Variants in ZRANB3 observed in about 807,000 individuals in gnomAD.
The protein encoded by ZRANB3 is DNA annealing helicase and endonuclease ZRANB3.
In ZRANB3, 125 loss-of-function variants were observed where a neutral mutation model predicts 133.8. The observed-to-expected ratio is 0.93, with a 90% confidence interval of 0.81 to 1.08. ZRANB3 has a LOEUF of 1.08. Ranked by LOEUF, ZRANB3 falls within the 50% of genes least tolerant of loss-of-function variation. The probability of loss-of-function intolerance (pLI) is 0.00; values close to 1 mark genes in which losing one functional copy is unlikely to be tolerated. For missense variants in ZRANB3, 1,229 were observed against 1,275.5 expected (o/e 0.96, Z 0.56); for synonymous variants, 387 against 432.7 (o/e 0.89, Z 1.31).
chr2:135,408,537 G>T lies in ZRANB3; in HGVS notation c.162-17717C>A, dbSNP rs1386138681. Reference sequence around the variant, plus strand: ...AGACACATGCACACGTATGTTTATTGCGGCACTATTCACAATAGCAAAGAC... The same window carrying T: ...AGACACATGCACACGTATGTTTATTTCGGCACTATTCACAATAGCAAAGAC... On this transcript the variant is annotated intron_variant, in intron 2 of 20. Transcript: ENST00000264159. 2.0e-5 allele frequency among the ~76,000 whole-genome samples: 3 copies of T among 152,172 alleles called. No individual in the cohort carries two copies. In the South Asian group the frequency reaches 6.2e-4, roughly 31 times the overall value.
At chr2:135,439,013 G>A (rs1689669074) in intron 2 of ZRANB3, among the ~76,000 whole-genome samples, 1 of 152,072 alleles carries the variant, frequency 6.6e-6, no homozygotes, top group African/African-American at 2.4e-5. Flanking sequence ...AAAATTTAAA[G>A]TAAATCCATA....
chr2:135,499,913 G>A (rs1559040156), intron 2 of ZRANB3, among the ~76,000 whole-genome samples: 1 of 152,108 alleles, frequency 6.6e-6, no homozygotes, highest in Non-Finnish European at 1.5e-5. Context: ...TACTTAAGAT[G>A]AAGTCATTAG....
intron 1 of ZRANB3, among the ~76,000 whole-genome samples, chr2:135,524,958 T>G (rs1694091685): frequency 6.6e-6 from 1 of 152,056 alleles, no homozygotes; most frequent in Non-Finnish European, 1.5e-5. Context: ...TATAATTTTT[T>G]TACTAATCTG....
At chr2:135,493,167 A>C (rs1692489796) in intron 2 of ZRANB3, among the ~76,000 whole-genome samples, 1 of 83,450 alleles carries the variant, frequency 1.2e-5, no homozygotes, top group Admixed American at 1.5e-4. Flanking sequence ...ATATATATAT[A>C]TATATAAATA....
chr2:135,224,314 G>T, intron 15 of ZRANB3, 112 bp downstream of exon 15: 1 of 827,972 alleles, frequency 1.2e-6, no homozygotes, highest in Non-Finnish European at 1.8e-6. Flanking sequence ...TAGCTTTGAG[G>T]AAAATAACTA....
At chr2:135,454,728 T>C (rs942890184) in intron 2 of ZRANB3, among the ~76,000 whole-genome samples, 1 of 152,228 alleles carries the variant, frequency 6.6e-6, no homozygotes, top group African/African-American at 2.4e-5. Flanking sequence ...CTTAGGATAA[T>C]GACCTCTAGT....
chr2:135,264,191 G>A (rs1680106502), intron 12 of ZRANB3, among the ~76,000 whole-genome samples: 1 of 151,408 alleles, frequency 6.6e-6, no homozygotes, highest in Non-Finnish European at 1.5e-5. Flanking sequence ...AACCATTTCA[G>A]GCCGGGCGCG....
chr2:135,434,312 G>A (rs1010096863), intron 2 of ZRANB3, among the ~76,000 whole-genome samples: 1 of 152,202 alleles, frequency 6.6e-6, no homozygotes, highest in South Asian at 2.1e-4. Flanking sequence ...TCTGGCAGAG[G>A]AACAAAGTCA....
At chr2:135,469,116 C>G (rs1378967201) in intron 2 of ZRANB3, among the ~76,000 whole-genome samples, 3 of 151,934 alleles carry the variant, frequency 2.0e-5, no homozygotes, top group Non-Finnish European at 4.4e-5. Context: ...TTCTGAAGAC[C>G]CTGCTGATCA....
rs548302615 is a variant in ZRANB3 at position 135,521,922 on chromosome 2, C to T, written c.-8+9205G>A. On this transcript the variant is annotated intron_variant, in intron 1 of 20. Coordinates refer to ENST00000264159, the MANE Select transcript of ZRANB3 (RefSeq NM_032143.4). ...GTTTCTGGGTGCCAGATGAGTTGGTCTCCCCTGTGTGAGACACCCATGGGG... is the reference window on the plus strand; with the variant it reads ...GTTTCTGGGTGCCAGATGAGTTGGTTTCCCCTGTGTGAGACACCCATGGGG... Among the ~76,000 whole-genome samples, 23 of 152,148 alleles carry T rather than the reference C, an allele frequency of 1.5e-4. 1 individual carries two copies. The East Asian group carries it at 3.9e-3, about 26-fold the overall frequency.
intron 2 of ZRANB3, among the ~76,000 whole-genome samples, chr2:135,493,709 T>C (rs576555135): frequency 6.6e-6 from 1 of 152,264 alleles, no homozygotes; most frequent in Admixed American, 6.5e-5. Flanking sequence ...CTCTCATATA[T>C]TGTTGACAGA....
chr2:135,209,029 C>T, intron 17 of ZRANB3, 51 bp from the exon 18 acceptor site: 2 of 1,526,338 alleles, frequency 1.3e-6, no homozygotes, highest in Non-Finnish European at 1.8e-6. Context: ...ATAAAAATGT[C>T]TCTATTGCAT....
chr2:135,342,167 A>G (rs1684704932), intron 6 of ZRANB3, among the ~76,000 whole-genome samples: 1 of 149,630 alleles, frequency 6.7e-6, no homozygotes, highest in Non-Finnish European at 1.5e-5. Flanking sequence ...CCCAGCTTTA[A>G]AATTTCTCTC....
intron 8 of ZRANB3, among the ~76,000 whole-genome samples, chr2:135,289,515 C>T (rs994074192): frequency 1.3e-5 from 2 of 152,278 alleles, no homozygotes. Context: ...CAGCCTCCCA[C>T]AGTGCTGGGA....
At chr2:135,405,626 G>C (rs1476157371) in intron 2 of ZRANB3, among the ~76,000 whole-genome samples, 1 of 152,144 alleles carries the variant, frequency 6.6e-6, no homozygotes, top group East Asian at 1.9e-4. Context: ...CTCTCTCTCA[G>C]ACCACACTGC....
chr2:135,288,514 A>G lies in ZRANB3; in HGVS notation c.967-12759T>C, dbSNP rs113119492. 8.0e-3 allele frequency among the ~76,000 whole-genome samples: 1,203 copies of G among 151,244 alleles called. 13 individuals are homozygous for G. Among genetic ancestry groups the G allele is most frequent in the African/African-American group, 0.028 (1,125 of 40,784 alleles). The stretch of plus-strand genomic sequence containing the variant: ...GTTTCAATAGAATTGGTACCAATTC[A>G]GTTGTGAATCCATCTGGTCCTGAAC... On this transcript the variant is annotated intron_variant, in intron 8 of 20. Transcript: ENST00000264159.
chr2:135,265,670 C>A lies in ZRANB3; in HGVS notation c.1403G>T (p.Ser468Ile). The change falls in exon 12 of 21, where the codon AGC becomes ATC. Residue 468 changes from serine to isoleucine, a missense_variant. Ser to Ile is a moderately radical substitution (Grantham distance 142). Coordinates refer to ENST00000264159, the MANE Select transcript of ZRANB3 (RefSeq NM_032143.4). ...TTTTTCTTTCCTACCGTTCAGTGTG[C>A]TCCCTGTAACTTGAGCCTACAAGAG... Reference protein sequence around the residue: ...MLNRKAQVTGSTLNGRKEKIQ... With the variant: ...MLNRKAQVTGITLNGRKEKIQ... The A allele has an allele frequency of 6.2e-7, 1 of 1,612,988 alleles. No homozygotes were observed. Among genetic ancestry groups the A allele is most frequent in the Non-Finnish European group, 8.5e-7 (1 of 1,179,530 alleles).
At chr2:135,353,363 T>A in intron 4 of ZRANB3, 87 bp downstream of exon 4, 1 of 831,436 alleles carries the variant, frequency 1.2e-6, no homozygotes, top group Non-Finnish European at 1.7e-6. Context: ...TATTATCTAT[T>A]GGTGATATTG....
In ZRANB3 at chr2:135,271,873, C is replaced by T; in HGVS notation, c.1101G>A (p.Arg367=). The change falls in exon 10 of 21, where the codon AGG becomes AGA. Residue 367 remains arginine (R), a synonymous_variant. Coordinates refer to ENST00000264159, the MANE Select transcript of ZRANB3 (RefSeq NM_032143.4). Reference sequence around the variant, plus strand: ...CTGAAGATGAAACACTTCCATCTATCCTAATGTAACGAGTCTAGCATCAAC... The same window carrying T: ...CTGAAGATGAAACACTTCCATCTATTCTAATGTAACGAGTCTAGCATCAAC... ...AVIENKTRYI[R]IDGSVSSSER... is the part of the protein sequence containing the mutation. 6.2e-7 allele frequency: 1 copy of T among 1,613,182 alleles called. No homozygotes were observed. The highest frequency in any genetic ancestry group is 8.5e-7 in the Non-Finnish European group (1 of 1,179,656).
Sources: allele counts gnomAD v4.1 joint callset (sites outside exome capture counted in the v4.1 genomes callset), GRCh38; gene constraint gnomAD v4.1.1; transcripts MANE v1.5; gene names NCBI Gene and HGNC (gene_info 2026-07-23, HGNC 2026-07-21).